Variants in ZZEF1 observed in about 807,000 individuals in gnomAD.
The protein encoded by ZZEF1 is zinc finger ZZ-type and EF-hand domain containing 1, also known as zinc finger ZZ-type and EF-hand domain-containing protein 1.
In ZZEF1, 157 loss-of-function variants were observed where a neutral mutation model predicts 342.8. That is an observed-to-expected ratio of 0.46 (90% CI 0.40 to 0.52). ZZEF1 has a LOEUF of 0.52. Ranked by LOEUF, ZZEF1 falls within the 20% of genes least tolerant of loss-of-function variation. The pLI, the probability that ZZEF1 is intolerant of heterozygous loss-of-function variation, is 0.00. For missense variants in ZZEF1, 3,480 were observed against 3,725.6 expected (o/e 0.93, Z 1.72); for synonymous variants, 1,505 against 1,429.1 (o/e 1.05, Z -1.20).
intron 39 of ZZEF1, 74 bp from the exon 40 acceptor site, chr17:4,034,366 T>G: frequency 1.3e-6 from 2 of 1,506,700 alleles, no homozygotes; most frequent in Non-Finnish European, 1.8e-6. Context: ...TATATCTCCC[T>G]CCTACCTTAT....
Position 4,005,170 on chromosome 17 carries a change from T to G in ZZEF1, c.*1720A>C, listed in dbSNP as rs1458169364. 6.6e-6 allele frequency: 1 copy of G among 152,314 alleles called. No homozygotes were observed. The highest frequency in any genetic ancestry group is 1.5e-5 in the Non-Finnish European group (1 of 68,110). The allele number at this position is 152,314 out of a possible 1,614,324, so 9.4% of individuals were successfully genotyped here. A position where few individuals can be genotyped will look rare whatever the true frequency, so the allele number is the denominator to read the frequency against. On this transcript the variant is annotated 3_prime_UTR_variant, in exon 55 of 55. Transcript: ENST00000381638. ...GACTTGTTTCCTGTGAGTCCCCTCT[T>G]GGGAAACTCCTTACTGGGAGGCCTC...
chr17:4,080,041 G>A lies in ZZEF1; in HGVS notation c.2829+1335C>T, dbSNP rs377536825. 2.2e-4 allele frequency among the ~76,000 whole-genome samples: 33 copies of A among 152,294 alleles called. 1 individual carries two copies. The East Asian group carries it at 4.0e-3, about 19-fold the overall frequency. On this transcript the variant is annotated intron_variant, in intron 18 of 54. Coordinates refer to ENST00000381638, the MANE Select transcript of ZZEF1 (RefSeq NM_015113.4). Reference sequence around the variant, plus strand: ...AGATAGTTCTTGGTTTCCTAGTACAGGGGTGCTATCACTTTAGAATCTCTC... The same window carrying A: ...AGATAGTTCTTGGTTTCCTAGTACAAGGGTGCTATCACTTTAGAATCTCTC...
intron 15 of ZZEF1, 73 bp from the exon 16 acceptor site, chr17:4,085,876 T>C (rs2057809668): frequency 8.3e-6 from 13 of 1,568,646 alleles, no homozygotes; most frequent in South Asian, 4.6e-5. Flanking sequence ...ATAACTAGCC[T>C]ATAAATTCAC....
intron 2 of ZZEF1, among the ~76,000 whole-genome samples, chr17:4,122,543 C>A (rs35239906): frequency 6.6e-6 from 1 of 151,922 alleles, no homozygotes; most frequent in Non-Finnish European, 1.5e-5. Context: ...ACATGCCCAG[C>A]TAATTTTTGT....
rs1396926241 is a variant in ZZEF1, at chr17:4,006,646, C to T, written c.*244G>A. ...GGTCTCTGAACCTTCTTAAGGGCCC[C>T]CTGCCCACCCTTTCTGAGGCATTCT... On this transcript the variant is annotated 3_prime_UTR_variant, in exon 55 of 55. Transcript: ENST00000381638. The T allele has an allele frequency of 5.5e-6, 3 of 546,276 alleles. No individual in the cohort carries two copies. Among genetic ancestry groups the T allele is most frequent in the Non-Finnish European group, 9.9e-6 (3 of 303,472 alleles). 33.8% of individuals were successfully genotyped at this position (546,276 alleles called of 1,614,324 possible). A position where few individuals can be genotyped will look rare whatever the true frequency, so the allele number is the denominator to read the frequency against.
At chr17:4,037,839 C>T (rs1161377022) in intron 39 of ZZEF1, among the ~76,000 whole-genome samples, 1 of 152,162 alleles carries the variant, frequency 6.6e-6, no homozygotes, top group Non-Finnish European at 1.5e-5. Flanking sequence ...TACTTGGTCT[C>T]CCAAAGTGCT....
chr17:4,016,114 C>T lies in ZZEF1; in HGVS notation c.8145+209G>A, dbSNP rs1020410918. On this transcript the variant is annotated intron_variant, in intron 49 of 54. Coordinates refer to ENST00000381638, the MANE Select transcript of ZZEF1 (RefSeq NM_015113.4). The surrounding 1 kb of genome is among the most constrained non-coding windows in gnomAD (Gnocchi z 4.4). ...TTCTTCTATTAAAACAAGAAAAGTCCGGAGAAGAGAAGACTTGCTTGTACA... is the reference window on the plus strand; with the variant it reads ...TTCTTCTATTAAAACAAGAAAAGTCTGGAGAAGAGAAGACTTGCTTGTACA... 5.9e-5 allele frequency among the ~76,000 whole-genome samples: 9 copies of T among 152,148 alleles called. No individual in the cohort carries two copies. Among genetic ancestry groups the T allele is most frequent in the African/African-American group, 1.7e-4 (7 of 41,428 alleles).
chr17:4,134,494 A>G (rs1018117077), intron 1 of ZZEF1, among the ~76,000 whole-genome samples: 2 of 151,750 alleles, frequency 1.3e-5, no homozygotes, highest in African/African-American at 2.4e-5. Flanking sequence ...CTGTAAACCA[A>G]CAGCAGCAAT....
intron 42 of ZZEF1, among the ~76,000 whole-genome samples, chr17:4,025,973 G>C (rs979192225): frequency 6.6e-6 from 1 of 152,188 alleles, no homozygotes; most frequent in Non-Finnish European, 1.5e-5. Context: ...TAAAGAAACA[G>C]AGATCAGAGT....
At chr17:4,068,629 C>T (rs2057449658) in intron 26 of ZZEF1, among the ~76,000 whole-genome samples, 1 of 152,170 alleles carries the variant, frequency 6.6e-6, no homozygotes, top group South Asian at 2.1e-4. Context: ...GAGGCTTGCC[C>T]CTTCTCTTCA....
Position 4,105,945 on chromosome 17 carries a change from T to C in ZZEF1, c.1278-136A>G, listed in dbSNP as rs2058205213. 1.4e-5 allele frequency: 9 copies of C among 654,668 alleles called. No individual in the cohort carries two copies. In the South Asian group the frequency reaches 1.7e-4, roughly 12 times the overall value. 40.6% of individuals were successfully genotyped at this position (654,668 alleles called of 1,614,324 possible). A position where few individuals can be genotyped will look rare whatever the true frequency, so the allele number is the denominator to read the frequency against. On this transcript the variant is annotated intron_variant, in intron 6 of 54. Transcript: ENST00000381638. Reference sequence around the variant, plus strand: ...CCCACAGAGAAGCTGGCACACAATATAAACTGGCCCTTCTTTTTTTTTGAG... The same window carrying C: ...CCCACAGAGAAGCTGGCACACAATACAAACTGGCCCTTCTTTTTTTTTGAG...
At chr17:4,049,563 C>A in intron 37 of ZZEF1, 145 bp downstream of exon 37, 1 of 902,164 alleles carries the variant, frequency 1.1e-6, no homozygotes, top group Non-Finnish European at 1.7e-6. Context: ...TAACAACATG[C>A]CCAAGGTTTG....
intron 45 of ZZEF1, chr17:4,019,987 A>T: frequency 4.4e-6 from 2 of 452,452 alleles, no homozygotes; most frequent in South Asian, 7.2e-5. Context: ...AGGAAATTAT[A>T]AAACACTAAA....
rs950226870 is a variant in ZZEF1 at position 4,016,961 on chromosome 17, G to C, written c.8001+410C>G. The C allele has an allele frequency of 2.5e-5, 5 of 202,346 alleles. No individual in the cohort carries two copies. The highest frequency in any genetic ancestry group is 1.0e-5 in the Non-Finnish European group (1 of 98,536). The allele number at this position is 202,346 out of a possible 1,614,324, so 12.5% of individuals were successfully genotyped here. Reference sequence around the variant, plus strand: ...CAAGCCTGCCAGCACCTGCAGGGCTGCAAGGCCGGGAAAAGACCTCGAGGT... The same window carrying C: ...CAAGCCTGCCAGCACCTGCAGGGCTCCAAGGCCGGGAAAAGACCTCGAGGT... On this transcript the variant is annotated intron_variant, in intron 48 of 54. Coordinates refer to ENST00000381638, the MANE Select transcript of ZZEF1 (RefSeq NM_015113.4). This position sits in a 1 kb window ranked among gnomAD's most constrained non-coding sequence, Gnocchi z 4.4.
chr17:4,102,348 T>C lies in ZZEF1; in HGVS notation c.1641A>G (p.Glu547=). 1 of 1,613,918 alleles carries C rather than the reference T, an allele frequency of 6.2e-7. No individual in the cohort carries two copies. Reference sequence around the variant, plus strand: ...TTGTCCACGGTTCAACAAGGAGGTTTTCGGGTCCAGACTTATCTTCTTTTC... The same window carrying C: ...TTGTCCACGGTTCAACAAGGAGGTTCTCGGGTCCAGACTTATCTTCTTTTC... ...VKGKEDKSGP[E]NLLVEPWTRD... is the part of the protein sequence containing the mutation. Residue 547 remains glutamate (E), a synonymous_variant, in exon 9 of 55, where the codon GAA becomes GAG. Coordinates refer to ENST00000381638, the MANE Select transcript of ZZEF1 (RefSeq NM_015113.4).
chr17:4,112,008 G>C (rs753878383), intron 5 of ZZEF1, among the ~76,000 whole-genome samples: 49 of 123,888 alleles, frequency 4.0e-4, no homozygotes, highest in Non-Finnish European at 7.2e-4. Flanking sequence ...ACTCCAGCCT[G>C]GGTGACAAAA....
intron 39 of ZZEF1, among the ~76,000 whole-genome samples, chr17:4,036,774 A>AAT (rs1217327090): frequency 1.2e-5 from 1 of 86,584 alleles, no homozygotes; most frequent in African/African-American, 4.4e-5. Context: ...AAATATATAG[A>AAT]ATACACACAC....
intron 16 of ZZEF1, among the ~76,000 whole-genome samples, chr17:4,083,997 TA>T (rs1225501053): frequency 6.6e-6 from 1 of 152,192 alleles, no homozygotes; most frequent in Non-Finnish European, 1.5e-5. Flanking sequence ...TCAAAACAAA[TA>T]AATATTTGTT....
chr17:4,118,656 G>A lies in ZZEF1; in HGVS notation c.500-1490C>T, dbSNP rs192265558. Reference sequence around the variant, plus strand: ...GGCCAGAGCAACACACCCAAATGAGGAATGCACTGCCTCCAAAATCCAAGT... The same window carrying A: ...GGCCAGAGCAACACACCCAAATGAGAAATGCACTGCCTCCAAAATCCAAGT... On this transcript the variant is annotated intron_variant, in intron 2 of 54. Transcript: ENST00000381638. Among the ~76,000 whole-genome samples the A allele has an allele frequency of 2.2e-4, 34 of 152,290 alleles. No homozygotes were observed. The East Asian group carries it at 6.4e-3, about 29-fold the overall frequency.
Sources: gnomAD v4.1 joint callset for allele counts (sites outside exome capture counted in the v4.1 genomes callset) on GRCh38, gnomAD v4.1.1 for gene constraint, Gnocchi (gnomAD v3.1) non-coding constraint, MANE v1.5 for transcripts, NCBI Gene and HGNC (gene_info 2026-07-23, HGNC 2026-07-21) for gene names.